SMAD2: variants seen among roughly 807,000 people sequenced by gnomAD.
SMAD2 encodes the protein MAD homolog 2.
SMAD2 carries 8 observed loss-of-function variants against 64.4 expected under a neutral mutation model. That is an observed-to-expected ratio of 0.12 (90% confidence interval 0.07 to 0.22). SMAD2 has a LOEUF of 0.22. Among genes scored for constraint, SMAD2 ranks in the 10% least tolerant of loss-of-function variants. The pLI is 1.00. For missense variants in SMAD2, 289 were observed against 561.2 expected (o/e 0.51, Z 4.90); for synonymous variants, 203 against 195.8 (o/e 1.04, Z -0.31).
intron 8 of SMAD2, among the ~76,000 whole-genome samples, chr18:47,847,360 G>T (rs1480774859): frequency 2.0e-5 from 3 of 151,876 alleles, no homozygotes; most frequent in African/African-American, 7.3e-5. Flanking sequence ...CTCACAGGAG[G>T]TAATGGTTAA....
rs892433944 is a variant in SMAD2, at chr18:47,836,408, A to G, written c.*5419T>C. The G allele has an allele frequency of 4.5e-6, 1 of 221,482 alleles. No individual in the cohort carries two copies. Among genetic ancestry groups the G allele is most frequent in the African/African-American group, 2.2e-5 (1 of 44,692 alleles). 13.7% of individuals were successfully genotyped at this position (221,482 alleles called of 1,614,324 possible). ...CAAATTTTGGCTGTGATTCTTAGTT[A>G]CCAAGTTGCCAAAAAATGGTATATT... On this transcript the variant is annotated 3_prime_UTR_variant, in exon 11 of 11. Transcript: ENST00000262160.
intron 2 of SMAD2, among the ~76,000 whole-genome samples, chr18:47,891,252 C>A (rs888193009): frequency 6.6e-6 from 1 of 152,180 alleles, no homozygotes; most frequent in African/African-American, 2.4e-5. Flanking sequence ...TTGCAGTGAG[C>A]CGAGATCCCG....
chr18:47,916,316 G>C (rs2034333414), intron 1 of SMAD2, among the ~76,000 whole-genome samples: 1 of 152,126 alleles, frequency 6.6e-6, no homozygotes, highest in African/African-American at 2.4e-5. Context: ...CCTCACGTTT[G>C]GTTGCACTTG....
intron 1 of SMAD2, among the ~76,000 whole-genome samples, chr18:47,914,500 T>C (rs774500061): frequency 6.6e-6 from 1 of 152,172 alleles, no homozygotes; most frequent in Non-Finnish European, 1.5e-5. Flanking sequence ...CCTCTAGATA[T>C]TCTTATGGAT....
rs979412121 is a variant in SMAD2, at chr18:47,868,136, C to T, written c.655+187G>A. ...TGAAATATAAAGTAAAACTCTTCTC[C>T]AAACAAAACTGTTTAATGTACTAGG... On this transcript the variant is annotated intron_variant, in intron 5 of 10. Coordinates refer to ENST00000262160, the MANE Select transcript of SMAD2 (RefSeq NM_005901.6). The T allele has an allele frequency of 5.1e-6, 3 of 584,796 alleles. No individual in the cohort carries two copies. The African/African-American group carries it at 5.6e-5, about 11-fold the overall frequency. The allele number at this position is 584,796 out of a possible 1,614,324, so 36.2% of individuals were successfully genotyped here. A position where few individuals can be genotyped will look rare whatever the true frequency, so the allele number is the denominator to read the frequency against.
chr18:47,904,307 G>T (rs1402655561), intron 1 of SMAD2, among the ~76,000 whole-genome samples: 1 of 150,760 alleles, frequency 6.6e-6, no homozygotes. Context: ...AAACCCAAGG[G>T]CAAGCAAAGA....
chr18:47,883,187 C>T (rs1298829660), intron 2 of SMAD2, among the ~76,000 whole-genome samples: 1 of 152,242 alleles, frequency 6.6e-6, no homozygotes, highest in African/African-American at 2.4e-5. Context: ...CTTTCAGCTA[C>T]ATCCCACATA....
At chr18:47,889,948 G>A (rs769753097) in intron 2 of SMAD2, among the ~76,000 whole-genome samples, 1 of 152,200 alleles carries the variant, frequency 6.6e-6, no homozygotes, top group African/African-American at 2.4e-5. Flanking sequence ...TAAAATTACA[G>A]AAATTGATTA....
chr18:47,918,071 G>A (rs564817172), intron 1 of SMAD2, among the ~76,000 whole-genome samples: 128 of 152,298 alleles, frequency 8.4e-4, no homozygotes, highest in Non-Finnish European at 1.4e-3. Context: ...CAGGAACTGA[G>A]GGCCAGGCAG....
chr18:47,862,100 A>C (rs1488403157), intron 6 of SMAD2, among the ~76,000 whole-genome samples: 1 of 152,196 alleles, frequency 6.6e-6, no homozygotes, highest in African/African-American at 2.4e-5. Flanking sequence ...AGTACAAAAA[A>C]CTAGTAGTTT....
chr18:47,825,944 G>T lies in SMAD2; in HGVS notation c.*15883C>A, dbSNP rs1176901814. On this transcript the variant is annotated 3_prime_UTR_variant, in exon 11 of 11. Transcript: ENST00000262160. ...TTTAAGAAGTCCCAGAAAGGTTTTG[G>T]AAATGGCATTAATGTAAATGTTCAC... 1.3e-5 allele frequency: 2 copies of T among 152,202 alleles called. No homozygotes were observed. The highest frequency in any genetic ancestry group is 2.4e-5 in the African/African-American group (1 of 41,454). 9.4% of individuals were successfully genotyped at this position (152,202 alleles called of 1,614,324 possible).
chr18:47,873,071 C>T (rs1457951495), intron 2 of SMAD2, among the ~76,000 whole-genome samples: 1 of 152,040 alleles, frequency 6.6e-6, no homozygotes, highest in African/African-American at 2.4e-5. Flanking sequence ...GAGTCCTGGA[C>T]TCAAGTGATC....
At chr18:47,925,974 G>C (rs547151289) in intron 1 of SMAD2, among the ~76,000 whole-genome samples, 12 of 152,280 alleles carry the variant, frequency 7.9e-5, no homozygotes, top group Admixed American at 7.2e-4. Context: ...TCAAAACACA[G>C]TGAAAAGCAT....
At chr18:47,874,890 A>G (rs1187530696) in intron 2 of SMAD2, among the ~76,000 whole-genome samples, 1 of 152,074 alleles carries the variant, frequency 6.6e-6, no homozygotes, top group Non-Finnish European at 1.5e-5. Flanking sequence ...CTTTCACCAA[A>G]ATTGTAAAAA....
intron 2 of SMAD2, among the ~76,000 whole-genome samples, chr18:47,892,883 T>A (rs2033264578): frequency 6.6e-6 from 1 of 152,224 alleles, no homozygotes; most frequent in Admixed American, 6.5e-5. Flanking sequence ...TGCATTCCTA[T>A]ACATTTATGT....
At chr18:47,881,053 T>C (rs1227422016) in intron 2 of SMAD2, among the ~76,000 whole-genome samples, 1 of 150,656 alleles carries the variant, frequency 6.6e-6, no homozygotes, top group East Asian at 2.0e-4. Flanking sequence ...TTACCTACCC[T>C]GCACACTTTG....
At chr18:47,876,200 C>A (rs191182558) in intron 2 of SMAD2, among the ~76,000 whole-genome samples, 1 of 152,076 alleles carries the variant, frequency 6.6e-6, no homozygotes, top group African/African-American at 2.4e-5. Context: ...TCAACATTTC[C>A]TAAATTTATT....
chr18:47,916,439 CAG>C (rs774887098), intron 1 of SMAD2, among the ~76,000 whole-genome samples: 17 of 151,720 alleles, frequency 1.1e-4, no homozygotes, highest in Non-Finnish European at 1.8e-4. Context: ...TGTTTTGAGA[CAG>C]AGTCTCACTC....
intron 6 of SMAD2, among the ~76,000 whole-genome samples, chr18:47,854,088 TAAA>T (rs35189746): frequency 6.8e-6 from 1 of 146,284 alleles, no homozygotes; most frequent in African/African-American, 2.5e-5. Flanking sequence ...TAGAAGCCTT[TAAA>T]AAAAAAAAAA....
Sources: gnomAD v4.1 joint callset for allele counts (sites outside exome capture counted in the v4.1 genomes callset) on GRCh38, gnomAD v4.1.1 for gene constraint, MANE v1.5 for transcripts, NCBI Gene and HGNC (gene_info 2026-07-23, HGNC 2026-07-21) for gene names.